The following PTPN4 variants were observed in gnomAD, a reference collection of about 807,000 sequenced individuals.
The protein encoded by PTPN4 is tyrosine-protein phosphatase non-receptor type 4.
In PTPN4, 49 loss-of-function variants were observed where a neutral mutation model predicts 135.5. The observed-to-expected ratio is 0.36, with a 90% CI of 0.29 to 0.46. PTPN4 has a LOEUF of 0.46. Ranked by LOEUF, PTPN4 falls within the 20% of genes least tolerant of loss-of-function variation. PTPN4 has a pLI of 1.00. For synonymous variants in PTPN4, 333 were observed against 369.9 expected (o/e 0.90, Z 1.14); for missense variants, 860 against 1,101.0 (o/e 0.78, Z 3.10).
chr2:119,953,601 CA>C (rs1389855498), intron 19 of PTPN4, among the ~76,000 whole-genome samples: 1 of 152,240 alleles, frequency 6.6e-6, no homozygotes, highest in East Asian at 1.9e-4. Context: ...CCAGGAATAA[CA>C]TTTTTTTCTG....
intron 1 of PTPN4, among the ~76,000 whole-genome samples, chr2:119,805,315 T>A (rs1393260013): frequency 6.6e-6 from 1 of 152,198 alleles, no homozygotes; most frequent in African/African-American, 2.4e-5. Flanking sequence ...CTATTTTGTT[T>A]TGTTTGTTTT....
At chr2:119,898,822 T>G (rs1678362762) in intron 9 of PTPN4, among the ~76,000 whole-genome samples, 1 of 152,210 alleles carries the variant, frequency 6.6e-6, no homozygotes, top group South Asian at 2.1e-4. Flanking sequence ...AGTCTAGATA[T>G]CTATAATTTA....
chr2:119,793,813 G>GACCAATAAACAA (rs1691198045), intron 1 of PTPN4, among the ~76,000 whole-genome samples: 2 of 125,508 alleles, frequency 1.6e-5, no homozygotes, highest in East Asian at 4.8e-4. Flanking sequence ...TAGGTGGTTT[G>GACCAATAAACAA]ACCATATAGT....
intron 1 of PTPN4, among the ~76,000 whole-genome samples, chr2:119,805,843 T>C (rs1304640250): frequency 6.6e-6 from 1 of 152,224 alleles, no homozygotes; most frequent in African/African-American, 2.4e-5. Context: ...TTGATGGGGA[T>C]GGCATTGAAT....
chr2:119,820,184 CT>C (rs773475231), intron 2 of PTPN4, among the ~76,000 whole-genome samples: 1 of 152,100 alleles, frequency 6.6e-6, no homozygotes, highest in Non-Finnish European at 1.5e-5. Flanking sequence ...AATGTGCTGC[CT>C]TTTGACTTAT....
chr2:119,818,806 T>C (rs1299306548), intron 2 of PTPN4, among the ~76,000 whole-genome samples: 1 of 152,198 alleles, frequency 6.6e-6, no homozygotes, highest in African/African-American at 2.4e-5. Flanking sequence ...TAGGTCTGTT[T>C]CACCTTTGTT....
chr2:119,773,114 A>G (rs1311614215), intron 1 of PTPN4, among the ~76,000 whole-genome samples: 1 of 152,132 alleles, frequency 6.6e-6, no homozygotes, highest in East Asian at 1.9e-4. Context: ...TTTCATGTTT[A>G]TTAATTTCAT....
At chr2:119,909,827 A>G (rs148658763) in intron 10 of PTPN4, among the ~76,000 whole-genome samples, 1 of 152,152 alleles carries the variant, frequency 6.6e-6, no homozygotes, top group East Asian at 1.9e-4. Flanking sequence ...TTAAGACTTC[A>G]GGGGAGGAAG....
At chr2:119,824,761 C>T (rs1677122898) in intron 2 of PTPN4, among the ~76,000 whole-genome samples, 2 of 150,302 alleles carry the variant, frequency 1.3e-5, no homozygotes, top group East Asian at 2.0e-4. Context: ...GATCTCGGCT[C>T]ACTGCAGCCT....
rs571402001 is a variant in PTPN4, at chr2:119,804,106, C to T, written c.-17-5731C>T. Among the ~76,000 whole-genome samples the T allele has an allele frequency of 3.9e-4, 59 of 152,070 alleles. No individual in the cohort carries two copies. The South Asian group carries it at 0.012, about 31-fold the overall frequency. Reference sequence around the variant, plus strand: ...TACCCCATCCCCACCCCCACTCCGCCAATCACTGTCATTTTAGTTTCTTAG... The same window carrying T: ...TACCCCATCCCCACCCCCACTCCGCTAATCACTGTCATTTTAGTTTCTTAG... On this transcript the variant is annotated intron_variant, in intron 1 of 26. Transcript: ENST00000263708.
intron 25 of PTPN4, 96 bp from the exon 26 acceptor site, chr2:119,967,741 G>C: frequency 2.0e-6 from 2 of 978,354 alleles, no homozygotes; most frequent in Non-Finnish European, 2.9e-6. Context: ...AAATGATATT[G>C]TTCTTCTGTG....
At chr2:119,965,719 G>T in intron 25 of PTPN4, 74 bp downstream of exon 25, 7 of 1,491,868 alleles carry the variant, frequency 4.7e-6, no homozygotes, top group Non-Finnish European at 6.3e-6. Flanking sequence ...TACATATTTT[G>T]TCCTTATGGT....
chr2:119,795,618 G>A (rs945597321), intron 1 of PTPN4, among the ~76,000 whole-genome samples: 4 of 152,246 alleles, frequency 2.6e-5, no homozygotes, highest in Non-Finnish European at 5.9e-5. Flanking sequence ...GGCAGTGGGA[G>A]CAGACACCTC....
intron 3 of PTPN4, 108 bp downstream of exon 3, chr2:119,862,751 TACTTG>T: frequency 2.5e-6 from 2 of 796,812 alleles, no homozygotes; most frequent in African/African-American, 1.8e-5. Flanking sequence ...GTTTTTTTTT[TACTTG>T]ACTTAAATAG....
In PTPN4 at chr2:119,885,846, C is replaced by G; in HGVS notation, c.639C>G (p.Thr213=). 1 of 1,604,488 alleles carries G rather than the reference C, an allele frequency of 6.2e-7. No homozygotes were observed. The highest frequency in any genetic ancestry group is 8.5e-7 in the Non-Finnish European group (1 of 1,176,690). The change falls in exon 9 of 27, where the codon ACC becomes ACG. Residue 213 remains threonine (T), a synonymous_variant. Coordinates refer to ENST00000263708, the MANE Select transcript of PTPN4 (RefSeq NM_002830.4). ...TTAATTACCTAAACACAGCACGTAC[C>G]TTAGAACTCTATGGAGTTGAATTCC... The part of the protein sequence containing the change: ...AEFNYLNTAR[T]LELYGVEFHY...
At chr2:119,800,709 A>C (rs2104942071) in intron 1 of PTPN4, among the ~76,000 whole-genome samples, 1 of 152,250 alleles carries the variant, frequency 6.6e-6, no homozygotes, top group East Asian at 1.9e-4. Flanking sequence ...TTTACATTTA[A>C]ATCTGAGTCA....
At chr2:119,805,640 C>T (rs879546348) in intron 1 of PTPN4, among the ~76,000 whole-genome samples, 3 of 152,116 alleles carry the variant, frequency 2.0e-5, no homozygotes, top group Admixed American at 2.0e-4. Context: ...ATTGGTCTAT[C>T]TCTCTGTTCT....
intron 13 of PTPN4, among the ~76,000 whole-genome samples, chr2:119,928,377 T>C (rs1184496055): frequency 1.3e-5 from 2 of 152,150 alleles, no homozygotes; most frequent in African/African-American, 4.8e-5. Context: ...TAGTCTACTA[T>C]ATGAGGAAAT....
intron 18 of PTPN4, among the ~76,000 whole-genome samples, chr2:119,948,188 G>A (rs1414942015): frequency 6.6e-6 from 1 of 151,878 alleles, no homozygotes; most frequent in African/African-American, 2.4e-5. Flanking sequence ...GCAGATGAAG[G>A]GATGAAGGAT....
Sources: gnomAD v4.1 joint callset for allele counts (sites outside exome capture counted in the v4.1 genomes callset) on GRCh38, gnomAD v4.1.1 for gene constraint, MANE v1.5 for transcripts, NCBI Gene and HGNC (gene_info 2026-07-23, HGNC 2026-07-21) for gene names.